TEX9: variants seen among roughly 807,000 people sequenced by gnomAD.
TEX9 encodes testis expressed 9.
A neutral mutation model predicts 59.6 loss-of-function variants in TEX9; 74 were observed. The ratio of observed to expected loss-of-function variants is 1.24; its 90% CI spans 1.03 to 1.51. The LOEUF (loss-of-function observed/expected upper bound fraction) is 1.51. TEX9 is among the 40% of genes most tolerant of loss of function. The pLI is 0.00. For missense variants in TEX9, 522 were observed against 447.8 expected (o/e 1.17, Z -1.49); for synonymous variants, 186 against 152.2 (o/e 1.22, Z -1.64).
At chr15:56,292,622 G>A (rs2045121844) in intron 1 of TEX9, among the ~76,000 whole-genome samples, 1 of 152,152 alleles carries the variant, frequency 6.6e-6, no homozygotes, top group Admixed American at 6.5e-5. Context: ...AGAGGGAGAT[G>A]TCCCTATCTC....
exon 12 of TEX9, chr15:56,428,414 T>G: frequency 6.2e-7 from 1 of 1,612,360 alleles, no homozygotes; most frequent in Non-Finnish European, 8.5e-7. Flanking sequence ...AGGAGGAATT[T>G]ATGAAAGCAC....
chr15:56,454,147 C>T, the TEX9 span, among the ~76,000 whole-genome samples: 397 of 152,244 alleles, frequency 2.6e-3, 3 homozygotes, highest in African/African-American at 9.1e-3. Flanking sequence ...AAAAATTTTT[C>T]ACAAGGTATA....
chr15:56,300,180 C>A (rs2045310291), intron 1 of TEX9, among the ~76,000 whole-genome samples: 1 of 152,048 alleles, frequency 6.6e-6, no homozygotes, highest in Admixed American at 6.6e-5. Flanking sequence ...GCATTCACCA[C>A]AAGCTGAAGA....
At chr15:56,324,667 A>G (rs1038151552) in intron 1 of TEX9, among the ~76,000 whole-genome samples, 1 of 152,210 alleles carries the variant, frequency 6.6e-6, no homozygotes, top group East Asian at 1.9e-4. Flanking sequence ...ACCCTTTGGA[A>G]TGGTGCTCTA....
chr15:56,304,880 G>T (rs1296490608), intron 1 of TEX9, among the ~76,000 whole-genome samples: 1 of 152,096 alleles, frequency 6.6e-6, no homozygotes, highest in African/African-American at 2.4e-5. Flanking sequence ...ACACCACCAT[G>T]CCCGGTTAAT....
At chr15:56,291,886 C>T (rs2045103178) in intron 1 of TEX9, among the ~76,000 whole-genome samples, 1 of 152,174 alleles carries the variant, frequency 6.6e-6, no homozygotes, top group Non-Finnish European at 1.5e-5. Context: ...GGACCCACTT[C>T]GTGGCAAAGG....
upstream of TEX9, among the ~76,000 whole-genome samples, chr15:56,362,661 A>G (rs1462150859): frequency 6.6e-6 from 1 of 152,162 alleles, no homozygotes; most frequent in African/African-American, 2.4e-5. Flanking sequence ...ATTTTAGAAT[A>G]TTTTCACTAG....
At chr15:56,443,708 T>C (rs2050857970) in intron 12 of TEX9, 2 of 1,613,552 alleles carry the variant, frequency 1.2e-6, no homozygotes, top group Non-Finnish European at 1.7e-6. Context: ...TTCTCTTTGC[T>C]GCTGCATGTT....
Position 56,420,469 on chromosome 15 carries a change from G to A in TEX9, c.964-7136G>A, listed in dbSNP as rs373001303. ...ATTACAGGCCCCCGCCACCATGCTC[G>A]GCTAATTTTTGTATTTTTAGTAGAG... On this transcript the variant is annotated intron_variant, in intron 10 of 12. Coordinates refer to ENST00000352903, the Ensembl canonical transcript of TEX9. 1.2e-3 allele frequency among the ~76,000 whole-genome samples: 177 copies of A among 151,546 alleles called. 1 individual carries two copies. Among genetic ancestry groups the A allele is most frequent in the African/African-American group, 3.9e-3 (162 of 41,098 alleles).
intron 1 of TEX9, among the ~76,000 whole-genome samples, chr15:56,300,123 A>C (rs2045308834): frequency 6.6e-6 from 1 of 152,038 alleles, no homozygotes; most frequent in Non-Finnish European, 1.5e-5. Context: ...ACCGCCCTGG[A>C]CCAGAAGGGA....
At chr15:56,460,009 A>AAAAAAAAAAAAAAAAAATATAT in the TEX9 span, among the ~76,000 whole-genome samples, 3 of 26,388 alleles carry the variant, frequency 1.1e-4, no homozygotes, top group East Asian at 1.1e-3. Flanking sequence ...AAAAAAAAAA[A>AAAAAAAAAAAAAAAAAATATAT]ATACATATAT....
intron 9 of TEX9, among the ~76,000 whole-genome samples, chr15:56,407,587 C>T (rs888636465): frequency 2.6e-5 from 4 of 151,976 alleles, no homozygotes; most frequent in Admixed American, 2.0e-4. Flanking sequence ...GATAATTTGT[C>T]TCTTCTGTCA....
intron 12 of TEX9, chr15:56,429,423 GAGCTTTTCATA>G: frequency 2.6e-6 from 1 of 384,012 alleles, no homozygotes; most frequent in South Asian, 3.6e-5. Context: ...TCTAGTGTAG[GAGCTTTTCATA>G]GGAATCTGAG....
At chr15:56,321,905 C>G (rs747069376) in intron 1 of TEX9, among the ~76,000 whole-genome samples, 1 of 151,540 alleles carries the variant, frequency 6.6e-6, no homozygotes, top group African/African-American at 2.4e-5. Flanking sequence ...AAGTAGTTGC[C>G]GGGGTTAGGA....
At chr15:56,279,225 A>G (rs975264673) in intron 1 of TEX9, among the ~76,000 whole-genome samples, 1 of 152,238 alleles carries the variant, frequency 6.6e-6, no homozygotes, top group Non-Finnish European at 1.5e-5. Context: ...GTTTTAAAGT[A>G]TTTGAAACCA....
At chr15:56,339,398 A>AAACAAAC (rs1333509445) in intron 1 of TEX9, among the ~76,000 whole-genome samples, 4 of 64,054 alleles carry the variant, frequency 6.2e-5, no homozygotes, top group East Asian at 5.6e-4. Context: ...AAAAAAAAAA[A>AAACAAAC]AAAAAAAAAA....
At chr15:56,302,320 T>TACACACACACACACACACAC (rs56766153) in intron 1 of TEX9, among the ~76,000 whole-genome samples, 1 of 135,706 alleles carries the variant, frequency 7.4e-6, no homozygotes, top group African/African-American at 2.8e-5. Flanking sequence ...AGACACTGTT[T>TACACACACACACACACACAC]ACACACACAC....
intron 1 of TEX9, among the ~76,000 whole-genome samples, chr15:56,312,137 T>A (rs1444395116): frequency 6.7e-6 from 1 of 148,978 alleles, no homozygotes; most frequent in East Asian, 1.9e-4. Context: ...GTGCAGAAGC[T>A]CTTTAGTTTA....
At chr15:56,363,437 G>T (rs767900632), upstream of TEX9, among the ~76,000 whole-genome samples, 1 of 151,946 alleles carries the variant, frequency 6.6e-6, no homozygotes, top group Non-Finnish European at 1.5e-5. Context: ...CCAAAGTGCT[G>T]GGATTACAGG....
Sources: gnomAD v4.1 joint callset for allele counts (sites outside exome capture counted in the v4.1 genomes callset) on GRCh38, gnomAD v4.1.1 for gene constraint, MANE v1.5 for transcripts, NCBI Gene and HGNC (gene_info 2026-07-23, HGNC 2026-07-21) for gene names.